Variants in ZBTB44 observed in about 807,000 individuals in gnomAD.
The protein encoded by ZBTB44 is zinc finger and BTB domain containing 44, also known as zinc finger and BTB domain-containing protein 44.
A neutral mutation model predicts 54.0 loss-of-function variants in ZBTB44; 15 were observed. The ratio of observed to expected loss-of-function variants is 0.28; its 90% CI spans 0.19 to 0.43. The LOEUF is 0.43. Among genes scored for constraint, ZBTB44 ranks in the 20% least tolerant of loss-of-function variants. The pLI is 1.00. For missense variants in ZBTB44, 487 were observed against 707.1 expected, an observed-to-expected ratio of 0.69 and a Z score of 3.53; for synonymous variants, 230 against 250.1, an observed-to-expected ratio of 0.92 and a Z score of 0.76.
At chr11:130,236,486 T>C (rs936915428) in intron 5 of ZBTB44, 4 of 263,444 alleles carry the variant, frequency 1.5e-5, no homozygotes, top group Non-Finnish European at 2.8e-5. Flanking sequence ...GTAAGATCTA[T>C]TTAAGGTCCA....
intron 1 of ZBTB44, among the ~76,000 whole-genome samples, chr11:130,283,675 G>A (rs942495469): frequency 2.6e-5 from 4 of 151,876 alleles, no homozygotes; most frequent in Admixed American, 2.6e-4. Flanking sequence ...ATATTAAAAA[G>A]GCAAAGCAGG....
intron 1 of ZBTB44, among the ~76,000 whole-genome samples, chr11:130,271,475 G>A (rs1325042095): frequency 6.6e-6 from 1 of 152,148 alleles, no homozygotes; most frequent in Non-Finnish European, 1.5e-5. Flanking sequence ...AAGTCAACTT[G>A]AGGAGGTTCC....
In ZBTB44 at chr11:130,261,073, A is replaced by G; in HGVS notation, c.801T>C (p.Ala267=). The G allele has an allele frequency of 1.2e-6, 2 of 1,613,998 alleles. No homozygotes were observed. The highest frequency in any genetic ancestry group is 1.7e-6 in the Non-Finnish European group (2 of 1,179,890). ...TTGTGCTCTCACAAGTCACATAATC[A>G]GCCATTCTTCTACCGGTCTCAGATG... ...PGPSETGRRM[A]DYVTCESTKT... Residue 267 remains alanine (A), a synonymous_variant, in exon 2 of 8, where the codon GCT becomes GCC. Transcript: ENST00000357899. The surrounding 1 kb of genome is among the most constrained non-coding windows in gnomAD (Gnocchi z 4.8).
At position 130,303,481 on chromosome 11, in the gene ZBTB44, C is replaced by G. The variant is rs1942092011; in HGVS notation, c.-57+10894G>C. On this transcript the variant is annotated intron_variant, in intron 1 of 7. Coordinates refer to ENST00000357899, the MANE Select transcript of ZBTB44 (RefSeq NM_001301098.2). ...AGAAACCCTGTCTCTACTAAAAATA[C>G]AAACTTAGCTGGGCGTGGTGGCGCA... Among the ~76,000 whole-genome samples the G allele has an allele frequency of 2.6e-5, 4 of 152,006 alleles. No individual in the cohort carries two copies. In the South Asian group the frequency reaches 8.3e-4, roughly 32 times the overall value.
Position 130,229,243 on chromosome 11 carries a change from G to T in ZBTB44, c.*2521C>A, listed in dbSNP as rs1353590973. 1 of 152,114 alleles carries T rather than the reference G, an allele frequency of 6.6e-6. No homozygotes were observed. The highest frequency in any genetic ancestry group is 1.5e-5 in the Non-Finnish European group (1 of 68,014). 9.4% of individuals were successfully genotyped at this position (152,114 alleles called of 1,614,324 possible). A position where few individuals can be genotyped will look rare whatever the true frequency, so the allele number is the denominator to read the frequency against. On this transcript the variant is annotated 3_prime_UTR_variant, in exon 8 of 8. Transcript: ENST00000357899. ...AATATAATCACGATAGAGTGGAAAT[G>T]TCTAACTGTATTAGTTTAGTAAAAA...
At chr11:130,298,619 C>T (rs536737587) in intron 1 of ZBTB44, among the ~76,000 whole-genome samples, 4 of 151,878 alleles carry the variant, frequency 2.6e-5, no homozygotes, top group Admixed American at 1.3e-4. Flanking sequence ...CGTGCCACCA[C>T]GCCTGGCCAC....
chr11:130,290,087 A>G (rs1202163277), intron 1 of ZBTB44, among the ~76,000 whole-genome samples: 1 of 152,230 alleles, frequency 6.6e-6, no homozygotes, highest in Non-Finnish European at 1.5e-5. Flanking sequence ...CAGATTACCC[A>G]GGTGGGCCCT....
At chr11:130,311,461 G>A (rs569464145) in intron 1 of ZBTB44, among the ~76,000 whole-genome samples, 3 of 152,032 alleles carry the variant, frequency 2.0e-5, no homozygotes, top group Middle Eastern at 3.4e-3. Flanking sequence ...CTTCCACCTC[G>A]GCCTTTCAAC....
intron 1 of ZBTB44, among the ~76,000 whole-genome samples, chr11:130,268,221 T>TAAAAAAAAAA (rs1157408386): frequency 1.4e-5 from 2 of 141,018 alleles, no homozygotes; most frequent in African/African-American, 5.7e-5. Flanking sequence ...CACGTCTAAT[T>TAAAAAAAAAA]TAAAAAAAAA....
chr11:130,264,445 A>C (rs1369045207), intron 1 of ZBTB44, among the ~76,000 whole-genome samples: 2 of 152,148 alleles, frequency 1.3e-5, no homozygotes, highest in Non-Finnish European at 2.9e-5. Flanking sequence ...TTTTACTCTA[A>C]GTTTATTAGT....
intron 1 of ZBTB44, among the ~76,000 whole-genome samples, chr11:130,283,099 T>C (rs1199074291): frequency 2.0e-5 from 3 of 146,760 alleles, no homozygotes; most frequent in African/African-American, 5.1e-5. Flanking sequence ...TGCTGGAGTG[T>C]AGTGGCGCAA....
chr11:130,278,718 T>C (rs1159418735), intron 1 of ZBTB44, among the ~76,000 whole-genome samples: 2 of 152,234 alleles, frequency 1.3e-5, no homozygotes, highest in African/African-American at 4.8e-5. Context: ...AGAGCACTGC[T>C]AGTGAATTTT....
At chr11:130,299,136 T>C (rs530952144) in intron 1 of ZBTB44, among the ~76,000 whole-genome samples, 1 of 152,112 alleles carries the variant, frequency 6.6e-6, no homozygotes, top group African/African-American at 2.4e-5. Context: ...TTGACATTTA[T>C]AGTACAGAAT....
At chr11:130,296,407 C>A (rs1297534469) in intron 1 of ZBTB44, 4 of 1,495,162 alleles carry the variant, frequency 2.7e-6, no homozygotes, top group Non-Finnish European at 3.6e-6. Flanking sequence ...CCCGTCTTGG[C>A]CATTCATGGA....
rs192637459 is a variant in ZBTB44, at chr11:130,283,204, T to C, written c.-56-21275A>G. On this transcript the variant is annotated intron_variant, in intron 1 of 7. Transcript: ENST00000357899. ...GGATAACAGGTGTACGGGACTCACC[T>C]GGCTAATTTTTTTGTATTTTTAGTA... 3.4e-3 allele frequency among the ~76,000 whole-genome samples: 510 copies of C among 151,986 alleles called. 1 individual carries two copies. The highest frequency in any genetic ancestry group is 0.011 in the African/African-American group (473 of 41,466).
At chr11:130,253,201 TTGG>T (rs1163420545) in intron 2 of ZBTB44, among the ~76,000 whole-genome samples, 1 of 152,176 alleles carries the variant, frequency 6.6e-6, no homozygotes, top group Non-Finnish European at 1.5e-5. Flanking sequence ...CAACACAGTG[TTGG>T]AAGTTCTGGC....
rs568043687 is a variant in ZBTB44, at chr11:130,228,079, T to A, written c.*3685A>T. The A allele has an allele frequency of 6.6e-6, 1 of 152,300 alleles. No homozygotes were observed. Among genetic ancestry groups the A allele is most frequent in the African/African-American group, 2.4e-5 (1 of 41,564 alleles). 9.4% of individuals were successfully genotyped at this position (152,300 alleles called of 1,614,324 possible). On this transcript the variant is annotated 3_prime_UTR_variant, in exon 8 of 8. Coordinates refer to ENST00000357899, the MANE Select transcript of ZBTB44 (RefSeq NM_001301098.2). ...AGAGGCACAAAGAAGCCATATACTA[T>A]CCTCCAAGTTGGACATAAGGTGCCA...
intron 2 of ZBTB44, among the ~76,000 whole-genome samples, chr11:130,244,442 T>C (rs548553433): frequency 1.4e-4 from 22 of 152,088 alleles, no homozygotes; most frequent in African/African-American, 4.6e-4. Flanking sequence ...CCGACGTGGG[T>C]GGATCACAAG....
At chr11:130,309,732 T>C (rs975854507) in intron 1 of ZBTB44, among the ~76,000 whole-genome samples, 4 of 151,420 alleles carry the variant, frequency 2.6e-5, no homozygotes, top group Non-Finnish European at 5.9e-5. Context: ...CCATCTCTAC[T>C]AATACAAAAA....
Sources: gnomAD v4.1 joint callset for allele counts (sites outside exome capture counted in the v4.1 genomes callset) on GRCh38, gnomAD v4.1.1 for gene constraint, Gnocchi (gnomAD v3.1) non-coding constraint, MANE v1.5 for transcripts, NCBI Gene and HGNC (gene_info 2026-07-23, HGNC 2026-07-21) for gene names.